Variants in RIN3 observed in about 807,000 individuals in gnomAD.
RIN3 encodes RAB5 interacting protein 3.
RIN3 carries 54 observed loss-of-function variants against 76.3 expected under a neutral mutation model. The observed-to-expected ratio is 0.71, with a 90% CI of 0.57 to 0.89. The LOEUF (loss-of-function observed/expected upper bound fraction) is 0.89, where lower values mean the gene tolerates loss of function less well. Among genes scored for constraint, RIN3 ranks in the 40% least tolerant of loss-of-function variants. The pLI, the probability that RIN3 is intolerant of heterozygous loss-of-function variation, is 0.00. For synonymous variants in RIN3, 576 were observed against 564.0 expected (o/e 1.02, Z -0.30); for missense variants, 1,256 against 1,322.1 (o/e 0.95, Z 0.78).
intron 2 of RIN3, among the ~76,000 whole-genome samples, chr14:92,557,025 C>G (rs1897605409): frequency 6.6e-6 from 1 of 152,228 alleles, no homozygotes; most frequent in Non-Finnish European, 1.5e-5. Context: ...CACTCCCTCC[C>G]CCTTCTCCCC....
intron 4 of RIN3, among the ~76,000 whole-genome samples, chr14:92,621,115 C>G (rs538593140): frequency 3.3e-5 from 5 of 151,492 alleles, no homozygotes; most frequent in Non-Finnish European, 5.9e-5. Flanking sequence ...GGTGAAACCC[C>G]GTCCCAGCTA....
At position 92,654,627 on chromosome 14, in the gene RIN3, G is replaced by GT. The variant is rs572386487; in HGVS notation, c.2026+1555dup. On this transcript the variant is annotated intron_variant, in intron 6 of 9. Transcript: ENST00000216487. Reference sequence around the variant, plus strand: ...CTAGCAGACTCCTGAAAACGAATAGGTTTGCCAGGCCACAGGATTCATGAT... The same window carrying GT: ...CTAGCAGACTCCTGAAAACGAATAGGTTTTGCCAGGCCACAGGATTCATGAT... 1.7e-4 allele frequency among the ~76,000 whole-genome samples: 26 copies of GT among 152,332 alleles called. No individual in the cohort carries two copies. In the East Asian group the frequency reaches 4.2e-3, roughly 25 times the overall value.
intron 8 of RIN3, among the ~76,000 whole-genome samples, chr14:92,680,103 G>C (rs1052081922): frequency 6.6e-6 from 1 of 152,132 alleles, no homozygotes. Context: ...GGCACCAGCA[G>C]ACTCAGTGTC....
Position 92,588,369 on chromosome 14 carries a change from A to G in RIN3, c.367+10892A>G, listed in dbSNP as rs1206624087. On this transcript the variant is annotated intron_variant, in intron 3 of 9. Coordinates refer to ENST00000216487, the MANE Select transcript of RIN3 (RefSeq NM_024832.5). ...CAGTCTCCCAAGTAGCTGGGATTAC[A>G]GGCATGTGCCGCCGCCCCTGGCAAT... Among the ~76,000 whole-genome samples the G allele has an allele frequency of 1.3e-5, 2 of 151,922 alleles. 1 individual carries two copies. The highest frequency in any genetic ancestry group is 4.8e-5 in the African/African-American group (2 of 41,372).
intron 4 of RIN3, among the ~76,000 whole-genome samples, chr14:92,628,554 G>T (rs1886438377): frequency 6.6e-6 from 1 of 152,082 alleles, no homozygotes; most frequent in South Asian, 2.1e-4. Flanking sequence ...TTGGTACCTG[G>T]GTGTAATCCC....
chr14:92,539,291 C>T lies in RIN3; in HGVS notation c.45-16460C>T, dbSNP rs145085659. Among the ~76,000 whole-genome samples, 255 of 152,108 alleles carry T rather than the reference C, an allele frequency of 1.7e-3. 1 individual carries two copies. In the East Asian group the frequency reaches 0.022, roughly 13 times the overall value. On this transcript the variant is annotated intron_variant, in intron 1 of 9. Transcript: ENST00000216487. Reference sequence around the variant, plus strand: ...AAGTGCTGAATAAATACTTACTGGGCGAATAAATACTTACTGGGTGAATAA... The same window carrying T: ...AAGTGCTGAATAAATACTTACTGGGTGAATAAATACTTACTGGGTGAATAA...
chr14:92,670,457 T>A (rs7141521), intron 7 of RIN3, among the ~76,000 whole-genome samples: 1 of 152,012 alleles, frequency 6.6e-6, no homozygotes, highest in African/African-American at 2.4e-5. Context: ...TTCCTGAGGC[T>A]CCGATGTGCT....
intron 1 of RIN3, 122 bp from the exon 2 acceptor site, chr14:92,555,629 C>A: frequency 2.2e-6 from 2 of 909,288 alleles, no homozygotes; most frequent in Admixed American, 2.3e-5. Flanking sequence ...TTTTTAATTC[C>A]CCAAAGGGCC....
At chr14:92,534,602 A>G (rs1340500186) in intron 1 of RIN3, among the ~76,000 whole-genome samples, 2 of 150,542 alleles carry the variant, frequency 1.3e-5, no homozygotes, top group Non-Finnish European at 2.9e-5. Context: ...AAAAAAAACA[A>G]AAAGAAAGAA....
intron 3 of RIN3, among the ~76,000 whole-genome samples, chr14:92,582,568 T>C (rs929326336): frequency 6.7e-6 from 1 of 149,414 alleles, no homozygotes; most frequent in African/African-American, 2.4e-5. Context: ...GTCTCCAGCC[T>C]CAGCCTCCTG....
chr14:92,629,549 T>C (rs1235625221), intron 4 of RIN3, among the ~76,000 whole-genome samples: 1 of 152,232 alleles, frequency 6.6e-6, no homozygotes, highest in Non-Finnish European at 1.5e-5. Flanking sequence ...CTGCGCCCTA[T>C]GGAGAGGATA....
chr14:92,531,933 T>C lies in RIN3; in HGVS notation c.44+17957T>C, dbSNP rs1896891503. ...GGAGGCAAGTCTCCCATCTCTTATC[T>C]TTTTTTTTTTTTTGAGACTGAGTCT... is the stretch of plus-strand genomic sequence containing the variant. On this transcript the variant is annotated intron_variant, in intron 1 of 9. Transcript: ENST00000216487. Among the ~76,000 whole-genome samples the C allele has an allele frequency of 2.8e-5, 4 of 142,338 alleles. No homozygotes were observed. In the South Asian group the frequency reaches 9.0e-4, roughly 32 times the overall value. 93.4% of individuals were successfully genotyped at this position (142,338 alleles called of 152,430 possible).
intron 7 of RIN3, among the ~76,000 whole-genome samples, chr14:92,666,254 A>G (rs1421119692): frequency 1.3e-5 from 2 of 152,194 alleles, no homozygotes; most frequent in Non-Finnish European, 2.9e-5. Flanking sequence ...TGAAAGGGGA[A>G]TAAAATAGGG....
At chr14:92,607,370 A>G (rs963010686) in intron 3 of RIN3, among the ~76,000 whole-genome samples, 3 of 152,262 alleles carry the variant, frequency 2.0e-5, no homozygotes, top group Admixed American at 6.5e-5. Flanking sequence ...GAGGCTGGAC[A>G]TGGCAGCTCA....
At chr14:92,641,769 GACCCTAAGCAC>G (rs1436559057) in intron 5 of RIN3, among the ~76,000 whole-genome samples, 2 of 152,214 alleles carry the variant, frequency 1.3e-5, no homozygotes, top group Non-Finnish European at 2.9e-5. Context: ...CCAAACAACT[GACCCTAAGCAC>G]ACCCTACCCC....
intron 1 of RIN3, among the ~76,000 whole-genome samples, chr14:92,533,218 A>T (rs1349868605): frequency 1.3e-5 from 2 of 152,254 alleles, no homozygotes; most frequent in African/African-American, 4.8e-5. Context: ...GTCCAGTGTG[A>T]TAGCCACTAG....
At chr14:92,663,958 G>A (rs1385060820) in intron 7 of RIN3, among the ~76,000 whole-genome samples, 1 of 152,176 alleles carries the variant, frequency 6.6e-6, no homozygotes, top group African/African-American at 2.4e-5. Flanking sequence ...AATGGGGCTA[G>A]GAACGCCTCT....
In RIN3 at chr14:92,555,734, T is replaced by G; in HGVS notation, c.45-17T>G. 6.2e-7 allele frequency: 1 copy of G among 1,613,544 alleles called. No homozygotes were observed. The highest frequency in any genetic ancestry group is 8.5e-7 in the Non-Finnish European group (1 of 1,179,552). ...GGCTGGCTGCAGGATAGCTGATCAT[T>G]GAATTCTGTTTTTCAGTCCGGTTCC... On this transcript the variant is annotated splice_polypyrimidine_tract_variant and intron_variant, in intron 1 of 9. Transcript: ENST00000216487.
intron 9 of RIN3, chr14:92,686,428 A>G (rs935069451): frequency 1.3e-5 from 2 of 152,266 alleles, no homozygotes; most frequent in Non-Finnish European, 2.9e-5. Flanking sequence ...TCAACTTGGC[A>G]TCACTGAATG....
Sources: gnomAD v4.1 joint callset for allele counts (sites outside exome capture counted in the v4.1 genomes callset) on GRCh38, gnomAD v4.1.1 for gene constraint, MANE v1.5 for transcripts, NCBI Gene and HGNC (gene_info 2026-07-23, HGNC 2026-07-21) for gene names.